Variants in CNOT6L observed in about 807,000 individuals in gnomAD.
The protein encoded by CNOT6L is CCR4-NOT transcription complex subunit 6-like.
CNOT6L carries 7 observed loss-of-function variants against 64.0 expected under a neutral mutation model. The ratio of observed to expected loss-of-function variants is 0.11; its 90% CI spans 0.06 to 0.21. The LOEUF is 0.21. Among genes scored for constraint, CNOT6L ranks in the 10% least tolerant of loss-of-function variants. The probability of loss-of-function intolerance (pLI) is 1.00; values close to 1 mark genes in which losing one functional copy is unlikely to be tolerated. For missense variants in CNOT6L, 245 were observed against 669.0 expected (o/e 0.37, Z 6.99); for synonymous variants, 193 against 243.4 (o/e 0.79, Z 1.93).
At chr4:77,740,935 T>A (rs1723511053) in intron 8 of CNOT6L, among the ~76,000 whole-genome samples, 1 of 152,210 alleles carries the variant, frequency 6.6e-6, no homozygotes, top group South Asian at 2.1e-4. Flanking sequence ...AACAACAGGC[T>A]ATACCTTATA....
At chr4:77,779,832 C>T (rs1395372121) in intron 1 of CNOT6L, among the ~76,000 whole-genome samples, 1 of 152,016 alleles carries the variant, frequency 6.6e-6, no homozygotes, top group Non-Finnish European at 1.5e-5. Flanking sequence ...GGTGTGGTCG[C>T]GGGCGCCTGT....
rs927214670 is a variant in CNOT6L at position 77,718,331 on chromosome 4, A to G, written c.*2100T>C. On this transcript the variant is annotated 3_prime_UTR_variant, in exon 12 of 12. Transcript: ENST00000504123. ...ACAGTAGCTGATTACAAAAAAAGGT[A>G]ATGTCCACAAAATTAAGTTTTTCAT... 4 of 152,532 alleles carry G rather than the reference A, an allele frequency of 2.6e-5. No individual in the cohort carries two copies. The highest frequency in any genetic ancestry group is 6.6e-5 in the Admixed American group (1 of 15,244). The allele number at this position is 152,532 out of a possible 1,614,324, so 9.4% of individuals were successfully genotyped here.
At chr4:77,813,978 C>T (rs1439650901) in intron 1 of CNOT6L, among the ~76,000 whole-genome samples, 1 of 152,072 alleles carries the variant, frequency 6.6e-6, no homozygotes, top group African/African-American at 2.4e-5. Flanking sequence ...ATAATGATAG[C>T]CAAAAAGTCT....
intron 8 of CNOT6L, 143 bp downstream of exon 8, chr4:77,741,997 GA>G: frequency 1.5e-6 from 1 of 685,096 alleles, no homozygotes; most frequent in South Asian, 2.2e-5. Context: ...CCTGAGAAAT[GA>G]AACATTAACA....
chr4:77,752,455 T>C (rs1223058006), intron 5 of CNOT6L, among the ~76,000 whole-genome samples: 1 of 152,194 alleles, frequency 6.6e-6, no homozygotes, highest in African/African-American at 2.4e-5. Flanking sequence ...CTCAAGTGCA[T>C]ACTTAATTAC....
intron 1 of CNOT6L, among the ~76,000 whole-genome samples, chr4:77,797,102 CAAAAAAAAA>C (rs386400560): frequency 2.1e-4 from 11 of 52,984 alleles, no homozygotes; most frequent in South Asian, 1.2e-3. Flanking sequence ...GACCTTGTCT[CAAAAAAAAA>C]AAAAAAAAAA....
intron 1 of CNOT6L, among the ~76,000 whole-genome samples, chr4:77,814,143 T>C (rs1733298615): frequency 6.6e-6 from 1 of 152,154 alleles, no homozygotes. Context: ...TATATTAAGA[T>C]TGCATTTGTA....
chr4:77,811,272 G>C (rs765276377), intron 1 of CNOT6L, among the ~76,000 whole-genome samples: 1 of 152,142 alleles, frequency 6.6e-6, no homozygotes, highest in Admixed American at 6.5e-5. Context: ...AGAAAGGGTC[G>C]GGCGCGGTGG....
chr4:77,804,645 T>C (rs1270618834), intron 1 of CNOT6L, among the ~76,000 whole-genome samples: 1 of 152,106 alleles, frequency 6.6e-6, no homozygotes, highest in African/African-American at 2.4e-5. Context: ...GAGGTTTCTT[T>C]TGTGGGTGAT....
chr4:77,791,838 A>G (rs1730183869), intron 1 of CNOT6L, among the ~76,000 whole-genome samples: 2 of 152,176 alleles, frequency 1.3e-5, no homozygotes, highest in Non-Finnish European at 2.9e-5. Context: ...TTGCATCTAA[A>G]GGAAACACTG....
intron 11 of CNOT6L, among the ~76,000 whole-genome samples, chr4:77,725,687 C>A (rs1270118057): frequency 6.6e-6 from 1 of 151,932 alleles, no homozygotes; most frequent in East Asian, 1.9e-4. Context: ...CCAAAAATAA[C>A]CTGAAAAACT....
At chr4:77,819,032 G>A (rs1157123712) in intron 1 of CNOT6L, 2 of 587,674 alleles carry the variant, frequency 3.4e-6, no homozygotes, top group East Asian at 6.3e-5. Context: ...CTGGGGTCCC[G>A]GCCCCGGGCC....
At chr4:77,812,088 C>A (rs534924409) in intron 1 of CNOT6L, among the ~76,000 whole-genome samples, 19 of 152,204 alleles carry the variant, frequency 1.2e-4, no homozygotes, top group African/African-American at 4.6e-4. Flanking sequence ...AGAATTGAAA[C>A]TTCATTTGTT....
intron 8 of CNOT6L, among the ~76,000 whole-genome samples, chr4:77,736,954 C>G (rs1047183656): frequency 7.0e-6 from 1 of 143,658 alleles, no homozygotes; most frequent in Non-Finnish European, 1.5e-5. Flanking sequence ...GCAAAAAGAA[C>G]ACGTCCAGAG....
rs1385188057 is a variant in CNOT6L at position 77,716,296 on chromosome 4, A to G, written c.*4135T>C. 1.3e-5 allele frequency: 2 copies of G among 152,154 alleles called. No homozygotes were observed. 9.4% of individuals were successfully genotyped at this position (152,154 alleles called of 1,614,324 possible). ...CAGCATATTTTGCAAAGCTATTAAA[A>G]TATCTCAGAAACAGAATAAAAAAGC... On this transcript the variant is annotated 3_prime_UTR_variant, in exon 12 of 12. Transcript: ENST00000504123.
intron 6 of CNOT6L, among the ~76,000 whole-genome samples, chr4:77,746,118 A>G (rs1176168524): frequency 6.6e-6 from 1 of 152,218 alleles, no homozygotes; most frequent in Admixed American, 6.5e-5. Flanking sequence ...TTTGGAAGTA[A>G]GGCGAAAGAG....
upstream of CNOT6L, among the ~76,000 whole-genome samples, chr4:77,820,054 C>G (rs931617113): frequency 1.3e-5 from 2 of 152,088 alleles, no homozygotes; most frequent in Non-Finnish European, 1.5e-5. Flanking sequence ...CTGGGGCTGC[C>G]GCCGCTGCGG....
At chr4:77,749,487 A>C (rs1724608728) in intron 5 of CNOT6L, among the ~76,000 whole-genome samples, 1 of 152,178 alleles carries the variant, frequency 6.6e-6, no homozygotes, top group African/African-American at 2.4e-5. Context: ...AATTAGCAAA[A>C]TCTACCTAAG....
chr4:77,807,848 C>CCAA (rs1362110506), intron 1 of CNOT6L, among the ~76,000 whole-genome samples: 3 of 152,280 alleles, frequency 2.0e-5, no homozygotes, highest in Admixed American at 6.5e-5. Context: ...ACTTACTTGA[C>CCAA]CTTCATCAAA....
Sources: gnomAD v4.1 joint callset for allele counts (sites outside exome capture counted in the v4.1 genomes callset) on GRCh38, gnomAD v4.1.1 for gene constraint, MANE v1.5 for transcripts, NCBI Gene and HGNC (gene_info 2026-07-23, HGNC 2026-07-21) for gene names.